Variants in DNAH14 observed in about 807,000 individuals in gnomAD.
The protein encoded by DNAH14 is axonemal beta dynein heavy chain 14.
DNAH14 carries 478 observed loss-of-function variants against 520.9 expected under a neutral mutation model. That is an observed-to-expected ratio of 0.92 (90% CI 0.85 to 0.99). The LOEUF (loss-of-function observed/expected upper bound fraction) is 0.99. DNAH14 is among the 50% of genes least tolerant of loss of function. The pLI, the probability that DNAH14 is intolerant of heterozygous loss-of-function variation, is 0.00. For synonymous variants in DNAH14, 1,581 were observed against 1,757.2 expected, an observed-to-expected ratio of 0.90 and a Z score of 2.51; for missense variants, 4,831 against 5,234.5, an observed-to-expected ratio of 0.92 and a Z score of 2.38.
At chr1:225,149,396 T>C (rs2080262068) in intron 31 of DNAH14, among the ~76,000 whole-genome samples, 1 of 152,230 alleles carries the variant, frequency 6.6e-6, no homozygotes, top group Non-Finnish European at 1.5e-5. Flanking sequence ...TGGTTAGGAT[T>C]GCCTTGGCTT....
intron 8 of DNAH14, among the ~76,000 whole-genome samples, chr1:224,975,261 C>T (rs1488609044): frequency 2.0e-5 from 3 of 152,180 alleles, no homozygotes; most frequent in African/African-American, 7.2e-5. Context: ...AGGGAGGATT[C>T]ACTCTTTTTC....
chr1:225,316,441 G>A (rs962713001), intron 60 of DNAH14, among the ~76,000 whole-genome samples: 20 of 152,224 alleles, frequency 1.3e-4, no homozygotes, highest in Non-Finnish European at 4.4e-5. Context: ...TGCCCAAACA[G>A]CCGCCCAGTT....
chr1:225,223,543 T>C (rs1210099783), intron 41 of DNAH14, among the ~76,000 whole-genome samples: 1 of 152,178 alleles, frequency 6.6e-6, no homozygotes, highest in African/African-American at 2.4e-5. Flanking sequence ...TCCCAAAAGA[T>C]CTGGCAAATG....
chr1:225,324,315 TG>T lies in DNAH14; in HGVS notation c.9592del (p.Val3198LeufsTer2). ...VSVACCSLCQ[W>X]VIALNNYHEV... Reference sequence around the variant, plus strand: ...TGTTGCTTGTTGCTCCCTGTGCCAGTGGGTTATAGCTTTGAATAACTACCAT... The same window carrying T: ...TGTTGCTTGTTGCTCCCTGTGCCAGTGGTTATAGCTTTGAATAACTACCAT... On this transcript the variant is annotated frameshift_variant, in exon 63 of 86. Coordinates refer to ENST00000682510, the MANE Select transcript of DNAH14 (RefSeq NM_001367479.1). LOFTEE classifies it high-confidence loss of function. 1 of 1,551,938 alleles carries T rather than the reference TG, an allele frequency of 6.4e-7. No homozygotes were observed. Among genetic ancestry groups the T allele is most frequent in the Non-Finnish European group, 8.7e-7 (1 of 1,147,036 alleles).
rs993726103 is a variant in DNAH14 at position 225,340,484 on chromosome 1, C to G, written c.10461C>G (p.Asn3487Lys). 1 of 1,550,680 alleles carries G rather than the reference C, an allele frequency of 6.4e-7. No individual in the cohort carries two copies. Among genetic ancestry groups the G allele is most frequent in the Non-Finnish European group, 8.7e-7 (1 of 1,146,342 alleles). ...TATACTTATCTACAGAAATAGACAACCCCCATTTTCTTCCATCAGTTTATA... is the reference window on the plus strand; with the variant it reads ...TATACTTATCTACAGAAATAGACAAGCCCCATTTTCTTCCATCAGTTTATA... ...FRLYLSTEIDNPHFLPSVYNF... is the reference protein window; with the variant it reads ...FRLYLSTEIDKPHFLPSVYNF... The change falls in exon 69 of 86, where the codon AAC (asparagine) becomes AAG (lysine). Residue 3487 changes from asparagine to lysine, a missense_variant. Asn to Lys is a moderately conservative substitution (Grantham distance 94). Coordinates refer to ENST00000682510, the MANE Select transcript of DNAH14 (RefSeq NM_001367479.1).
chr1:225,327,418 A>G (rs2094700127), intron 64 of DNAH14, among the ~76,000 whole-genome samples: 1 of 151,984 alleles, frequency 6.6e-6, no homozygotes, highest in Non-Finnish European at 1.5e-5. Flanking sequence ...GCCTCGGCCT[A>G]CCAAAGTGCT....
chr1:225,060,611 T>G (rs2069916689), intron 17 of DNAH14, among the ~76,000 whole-genome samples: 1 of 151,488 alleles, frequency 6.6e-6, no homozygotes, highest in African/African-American at 2.4e-5. Context: ...AGTTTCCAGT[T>G]TTTCTGCTCT....
At chr1:225,335,940 CATATATGTATATAT>C (rs2095024969) in intron 66 of DNAH14, among the ~76,000 whole-genome samples, 3 of 113,378 alleles carry the variant, frequency 2.6e-5, no homozygotes, top group Non-Finnish European at 5.9e-5. Context: ...CCTATATATA[CATATATGTATATAT>C]ACACATATAC....
chr1:225,124,469 T>A (rs1463344383), intron 27 of DNAH14, among the ~76,000 whole-genome samples: 1 of 152,252 alleles, frequency 6.6e-6, no homozygotes, highest in Non-Finnish European at 1.5e-5. Flanking sequence ...ATTTCAATAA[T>A]GTTCACAGCA....
At chr1:225,038,449 A>G (rs1016887852) in intron 11 of DNAH14, among the ~76,000 whole-genome samples, 5 of 151,780 alleles carry the variant, frequency 3.3e-5, no homozygotes, top group African/African-American at 1.2e-4. Flanking sequence ...AGCCATCCTA[A>G]TGGGTATGAG....
At chr1:224,987,234 CA>C (rs898918764) in intron 8 of DNAH14, among the ~76,000 whole-genome samples, 1 of 151,940 alleles carries the variant, frequency 6.6e-6, no homozygotes, top group Non-Finnish European at 1.5e-5. Context: ...AGTCTGAGTC[CA>C]AAGGCCTAAA....
At chr1:225,171,536 T>C (rs1369246320) in intron 36 of DNAH14, among the ~76,000 whole-genome samples, 1 of 152,010 alleles carries the variant, frequency 6.6e-6, no homozygotes, top group Non-Finnish European at 1.5e-5. Flanking sequence ...TGGAAAAATT[T>C]CTCGACACAT....
rs146658863 is a variant in DNAH14, at chr1:225,192,901, A to C, written c.5876A>C (p.Asp1959Ala). The part of the protein sequence containing the change: ...IDLRLKSRIS[D>A]LSNVFKLDSS... ...CTCAGACTAAAGTCAAGAATCTCAG[A>C]TTTATCCAATGTAAGTTTAGTATTG... The change falls in exon 38 of 86, where the codon GAT becomes GCT. Residue 1959 changes from aspartate to alanine, a missense_variant. By Grantham distance (126) the Asp-to-Ala change is moderately radical (BLOSUM62 -2). Transcript: ENST00000682510. 5.5e-4 allele frequency: 853 copies of C among 1,546,464 alleles called. 4 individuals carry two copies. The African/African-American group carries it at 0.01, about 19-fold the overall frequency.
At chr1:225,278,563 C>T (rs554543730) in intron 54 of DNAH14, among the ~76,000 whole-genome samples, 119 of 152,198 alleles carry the variant, frequency 7.8e-4, no homozygotes, top group African/African-American at 2.4e-3. Context: ...GGTCCTTAGC[C>T]TTATCTTATA....
At chr1:225,163,013 C>G (rs1278251746) in intron 35 of DNAH14, among the ~76,000 whole-genome samples, 1 of 151,878 alleles carries the variant, frequency 6.6e-6, no homozygotes, top group East Asian at 1.9e-4. Flanking sequence ...TGGCACATGC[C>G]TGTAATCCCA....
chr1:225,324,830 C>G lies in DNAH14; in HGVS notation c.9721C>G (p.Leu3241Val). The part of the protein sequence containing the change: ...RLAEKQRGLQ[L>V]VEEHLLFLQA... ...TGCTGAGAAACAAAGAGGTTTACAG[C>G]TGGTAAGAAATACAGTTCAGTTCTC... is the stretch of plus-strand genomic sequence containing the variant. Residue 3241 changes from leucine (L) to valine (V), a missense_variant and splice_region_variant, in exon 64 of 86, where the codon CTG (leucine) becomes GTG (valine). Coordinates refer to ENST00000682510, the MANE Select transcript of DNAH14 (RefSeq NM_001367479.1). 6.4e-7 allele frequency: 1 copy of G among 1,550,450 alleles called. No homozygotes were observed. Among genetic ancestry groups the G allele is most frequent in the South Asian group, 1.2e-5 (1 of 83,990 alleles).
At chr1:225,002,734 T>C in intron 8 of DNAH14, 49 bp from the exon 9 acceptor site, 5 of 1,489,666 alleles carry the variant, frequency 3.4e-6, no homozygotes, top group Non-Finnish European at 4.5e-6. Context: ...AAATTAATTT[T>C]ATTCATTTTG....
chr1:225,175,099 G>T (rs2083166261), intron 36 of DNAH14, among the ~76,000 whole-genome samples: 1 of 152,032 alleles, frequency 6.6e-6, no homozygotes, highest in Non-Finnish European at 1.5e-5. Flanking sequence ...CAGAATTTTT[G>T]CATCTATGTT....
intron 60 of DNAH14, among the ~76,000 whole-genome samples, chr1:225,317,625 GA>G (rs553183727): frequency 1.3e-5 from 2 of 149,524 alleles, no homozygotes; most frequent in Non-Finnish European, 3.0e-5. Context: ...CAGTAAAAAA[GA>G]AAAAAAAAGT....
Sources: gnomAD v4.1 joint callset for allele counts (sites outside exome capture counted in the v4.1 genomes callset) on GRCh38, gnomAD v4.1.1 for gene constraint, MANE v1.5 for transcripts, NCBI Gene and HGNC (gene_info 2026-07-23, HGNC 2026-07-21) for gene names.